RNF216: variants seen among roughly 807,000 people sequenced by gnomAD.
RNF216 encodes the protein E3 ubiquitin-protein ligase RNF216.
In RNF216, 72 loss-of-function variants were observed where a neutral mutation model predicts 110.8. That is an observed-to-expected ratio of 0.65 (90% CI 0.54 to 0.79). The LOEUF (loss-of-function observed/expected upper bound fraction) is 0.79, where lower values mean the gene tolerates loss of function less well. RNF216 is among the 30% of genes least tolerant of loss of function. The probability of loss-of-function intolerance (pLI) is 0.00; values close to 1 mark genes in which losing one functional copy is unlikely to be tolerated. For missense variants in RNF216, 1,342 were observed against 1,141.2 expected (o/e 1.18, Z -2.54); for synonymous variants, 495 against 407.5 (o/e 1.21, Z -2.59).
Position 5,624,786 on chromosome 7 carries a change from T to G in RNF216, c.2383-661A>C, listed in dbSNP as rs1269218399. Among the ~76,000 whole-genome samples the G allele has an allele frequency of 1.3e-5, 2 of 152,224 alleles. No individual in the cohort carries two copies. Among genetic ancestry groups the G allele is most frequent in the African/African-American group, 4.8e-5 (2 of 41,460 alleles). ...CCTCAGACACGAACCGAAGAGGCAC[T>G]GTGAGTGCAGGCAGATGTGGGAGCT... On this transcript the variant is annotated intron_variant, in intron 15 of 16. Coordinates refer to ENST00000389902, the MANE Select transcript of RNF216 (RefSeq NM_207111.4). The surrounding 1 kb of genome is among the most constrained non-coding windows in gnomAD (Gnocchi z 4.4).
Position 5,741,564 on chromosome 7 carries a change from T to C in RNF216, c.453A>G (p.Gln151=). The C allele has an allele frequency of 1.9e-6, 3 of 1,614,178 alleles. No homozygotes were observed. Among genetic ancestry groups the C allele is most frequent in the South Asian group, 2.2e-5 (2 of 91,088 alleles). ...GISEFTKPSG[Q]TEREPKPGPS... ...GTCCAGGCTTGGGTTCTCTTTCTGT[T>C]TGGCCACTTGGCTTAGTGAATTCAG... The change falls in exon 4 of 17, where the codon CAA becomes CAG. Residue 151 remains glutamine (Q), a synonymous_variant. Transcript: ENST00000389902.
At chr7:5,717,084 T>G (rs1328658805) in intron 9 of RNF216, among the ~76,000 whole-genome samples, 2 of 152,238 alleles carry the variant, frequency 1.3e-5, no homozygotes, top group Non-Finnish European at 1.5e-5. Context: ...CCGGGTGGGA[T>G]GGCTCATGCC....
At chr7:5,778,552 C>G (rs1157149199) in intron 1 of RNF216, among the ~76,000 whole-genome samples, 6 of 152,168 alleles carry the variant, frequency 3.9e-5, no homozygotes, top group Non-Finnish European at 7.3e-5. Context: ...CCCAAAGCCC[C>G]AGGACATAGC....
intron 4 of RNF216, chr7:5,739,770 G>A (rs755797023): frequency 2.6e-5 from 10 of 382,118 alleles, no homozygotes; most frequent in Non-Finnish European, 4.7e-5. Flanking sequence ...GGAGGTCGAG[G>A]CAGGCGGATC....
chr7:5,743,543 TAAGTG>T (rs1794881094), intron 3 of RNF216, among the ~76,000 whole-genome samples: 1 of 152,164 alleles, frequency 6.6e-6, no homozygotes, highest in Non-Finnish European at 1.5e-5. Flanking sequence ...GAAATGCCAT[TAAGTG>T]AAGAAAAGCA....
At chr7:5,746,852 C>G (rs561314869) in intron 3 of RNF216, among the ~76,000 whole-genome samples, 14 of 152,248 alleles carry the variant, frequency 9.2e-5, no homozygotes, top group African/African-American at 3.4e-4. Flanking sequence ...GAGTGTTCAT[C>G]CAAGAAATTC....
rs530756556 is a variant in RNF216, at chr7:5,763,612, C to T, written c.-69-2474G>A. On this transcript the variant is annotated intron_variant, in intron 1 of 16. Coordinates refer to ENST00000389902, the MANE Select transcript of RNF216 (RefSeq NM_207111.4). ...TTTTGAGCCAGTCTCTCTCTGTCATCCTGGCTGGAGAGCAGCTACACGATC... is the reference window on the plus strand; with the variant it reads ...TTTTGAGCCAGTCTCTCTCTGTCATTCTGGCTGGAGAGCAGCTACACGATC... Among the ~76,000 whole-genome samples the T allele has an allele frequency of 4.6e-5, 7 of 152,228 alleles. No homozygotes were observed. The South Asian group carries it at 1.0e-3, about 23-fold the overall frequency.
intron 1 of RNF216, among the ~76,000 whole-genome samples, chr7:5,780,558 G>A (rs776784552): frequency 6.6e-6 from 1 of 152,000 alleles, no homozygotes; most frequent in Non-Finnish European, 1.5e-5. Context: ...TTAGCTGGAC[G>A]TGGTGGCAAA....
chr7:5,737,362 G>T (rs1435522774), intron 5 of RNF216, among the ~76,000 whole-genome samples: 2 of 152,174 alleles, frequency 1.3e-5, no homozygotes, highest in East Asian at 3.9e-4. Context: ...CTAATCTCAA[G>T]TACCCAGGGA....
At chr7:5,673,089 G>C (rs1790026876) in intron 13 of RNF216, among the ~76,000 whole-genome samples, 1 of 152,034 alleles carries the variant, frequency 6.6e-6, no homozygotes, top group South Asian at 2.1e-4. Context: ...GCACGGTGTG[G>C]GCATTCCCAC....
intron 13 of RNF216, among the ~76,000 whole-genome samples, chr7:5,664,946 G>T (rs1424129443): frequency 6.6e-6 from 1 of 152,122 alleles, no homozygotes; most frequent in Non-Finnish European, 1.5e-5. Context: ...ACAGGCGCCC[G>T]CCACCAGGCC....
chr7:5,630,533 C>A (rs1787005333), intron 15 of RNF216, among the ~76,000 whole-genome samples: 1 of 152,092 alleles, frequency 6.6e-6, no homozygotes, highest in South Asian at 2.1e-4. Flanking sequence ...TGTGTATCAC[C>A]ATGCCCAGCT....
At chr7:5,778,368 T>C (rs1339674394) in intron 1 of RNF216, among the ~76,000 whole-genome samples, 3 of 152,232 alleles carry the variant, frequency 2.0e-5, no homozygotes, top group Non-Finnish European at 4.4e-5. Context: ...AGAGAAAAAT[T>C]GTTCCTGATT....
intron 15 of RNF216, among the ~76,000 whole-genome samples, chr7:5,636,699 G>C (rs953919907): frequency 6.6e-6 from 1 of 152,226 alleles, no homozygotes; most frequent in Non-Finnish European, 1.5e-5. Flanking sequence ...GTTTTGATGG[G>C]AACGGGACAA....
chr7:5,732,536 C>T (rs931662760), intron 5 of RNF216, among the ~76,000 whole-genome samples: 8 of 152,286 alleles, frequency 5.3e-5, no homozygotes, highest in African/African-American at 1.9e-4. Context: ...TACTGAAATG[C>T]TACAGACATG....
At chr7:5,690,488 G>A (rs1477867109) in intron 13 of RNF216, among the ~76,000 whole-genome samples, 1 of 152,116 alleles carries the variant, frequency 6.6e-6, no homozygotes, top group African/African-American at 2.4e-5. Flanking sequence ...TGCTGCCACA[G>A]AATGAAATTC....
intron 13 of RNF216, among the ~76,000 whole-genome samples, chr7:5,686,345 C>T (rs957850283): frequency 3.9e-5 from 6 of 151,992 alleles, no homozygotes; most frequent in East Asian, 1.9e-4. Flanking sequence ...TTACCTGTTG[C>T]GGCCTCATTT....
At chr7:5,734,608 C>CCTCACTGTAAGG (rs201100224) in intron 5 of RNF216, among the ~76,000 whole-genome samples, 1 of 136,938 alleles carries the variant, frequency 7.3e-6, no homozygotes, top group Non-Finnish European at 1.5e-5. Flanking sequence ...AAATGGCTTT[C>CCTCACTGTAAGG]AAGGTTAAAT....
chr7:5,664,054 G>T (rs926268463), intron 13 of RNF216, among the ~76,000 whole-genome samples: 4 of 152,134 alleles, frequency 2.6e-5, no homozygotes, highest in Non-Finnish European at 5.9e-5. Flanking sequence ...GGTATCTTTG[G>T]ATTTCTAGGG....
Sources: gnomAD v4.1 joint callset for allele counts (sites outside exome capture counted in the v4.1 genomes callset) on GRCh38, gnomAD v4.1.1 for gene constraint, Gnocchi (gnomAD v3.1) non-coding constraint, MANE v1.5 for transcripts, NCBI Gene and HGNC (gene_info 2026-07-23, HGNC 2026-07-21) for gene names.